The following PTPRO variants were observed in gnomAD, a reference collection of about 807,000 sequenced individuals.
PTPRO encodes the protein protein tyrosine phosphatase receptor type O, also known as receptor-type tyrosine-protein phosphatase O.
In PTPRO, 62 loss-of-function variants were observed where a neutral mutation model predicts 145.2. That is an observed-to-expected ratio of 0.43 (90% confidence interval 0.35 to 0.53). The LOEUF (loss-of-function observed/expected upper bound fraction) is 0.53. Among genes scored for constraint, PTPRO ranks in the 20% least tolerant of loss-of-function variants. PTPRO has a pLI of 0.01. For synonymous variants in PTPRO, 565 were observed against 514.7 expected (o/e 1.10, Z -1.32); for missense variants, 1,345 against 1,482.7 (o/e 0.91, Z 1.53).
At chr12:15,429,568 G>T (rs1940376731) in intron 1 of PTPRO, among the ~76,000 whole-genome samples, 2 of 152,288 alleles carry the variant, frequency 1.3e-5, no homozygotes, top group South Asian at 4.1e-4. Context: ...GAAACTGAAA[G>T]TTCTTTATGG....
At position 15,370,529 on chromosome 12, in the gene PTPRO, C is replaced by T. The variant is rs78731065; in HGVS notation, c.75+47728C>T. The stretch of plus-strand genomic sequence containing the variant: ...GTCTAAAGGCATAGAATTTTAATCT[C>T]CTGTATGTCAAATTTCATTATAAAT... On this transcript the variant is annotated intron_variant, in intron 1 of 26. Transcript: ENST00000281171. 3.4e-3 allele frequency among the ~76,000 whole-genome samples: 523 copies of T among 152,166 alleles called. 4 individuals are homozygous for T. Among genetic ancestry groups the T allele is most frequent in the African/African-American group, 0.012 (482 of 41,530 alleles).
At chr12:15,370,450 CTA>C (rs1938492793) in intron 1 of PTPRO, among the ~76,000 whole-genome samples, 2 of 152,086 alleles carry the variant, frequency 1.3e-5, no homozygotes, top group South Asian at 4.1e-4. Flanking sequence ...TTAAAAGGAA[CTA>C]TGTGTGAATA....
At chr12:15,350,570 G>A (rs1057366570) in intron 1 of PTPRO, among the ~76,000 whole-genome samples, 1 of 152,176 alleles carries the variant, frequency 6.6e-6, no homozygotes, top group African/African-American at 2.4e-5. Flanking sequence ...TGGAAAATGA[G>A]AGAAGTTTAG....
intron 1 of PTPRO, among the ~76,000 whole-genome samples, chr12:15,391,089 G>T (rs1939177433): frequency 2.0e-5 from 3 of 152,012 alleles, no homozygotes; most frequent in Admixed American, 1.3e-4. Context: ...CCTTCTAAAG[G>T]CCCCAGTTCC....
At chr12:15,338,838 A>T (rs1243098692) in intron 1 of PTPRO, among the ~76,000 whole-genome samples, 3 of 152,162 alleles carry the variant, frequency 2.0e-5, no homozygotes, top group Non-Finnish European at 4.4e-5. Context: ...TATTAATGTG[A>T]AGATGAATAC....
In PTPRO at chr12:15,504,386, G is replaced by A. The variant is rs116431279; in HGVS notation, c.1267+317G>A. On this transcript the variant is annotated intron_variant, in intron 6 of 26. Transcript: ENST00000281171. ...TGTGGACATACAGTTTGGGAAATACGACATTTGTTTGAGCCCATAACGAAA... is the reference window on the plus strand; with the variant it reads ...TGTGGACATACAGTTTGGGAAATACAACATTTGTTTGAGCCCATAACGAAA... Among the ~76,000 whole-genome samples the A allele has an allele frequency of 8.1e-3, 1,228 of 152,142 alleles. 15 individuals are homozygous for A. Among genetic ancestry groups the A allele is most frequent in the African/African-American group, 0.028 (1,181 of 41,500 alleles).
At chr12:15,513,158 AAAG>A (rs528918229) in intron 7 of PTPRO, among the ~76,000 whole-genome samples, 1 of 2,214 alleles carries the variant, frequency 4.5e-4, no homozygotes, top group Non-Finnish European at 1.5e-3. Context: ...AAAGAAAGAA[AAAG>A]AAAGAAAGAA....
chr12:15,378,946 G>C (rs534091550), intron 1 of PTPRO, among the ~76,000 whole-genome samples: 74 of 152,248 alleles, frequency 4.9e-4, no homozygotes, highest in African/African-American at 1.7e-3. Flanking sequence ...GCATTTGTCA[G>C]TGGAGAAATG....
chr12:15,583,445 C>T (rs2135654434), intron 23 of PTPRO, among the ~76,000 whole-genome samples: 1 of 151,730 alleles, frequency 6.6e-6, no homozygotes, highest in South Asian at 2.1e-4. Context: ...TGCCACTACA[C>T]TTCAGCCTGG....
intron 1 of PTPRO, among the ~76,000 whole-genome samples, chr12:15,454,475 T>A (rs372048346): frequency 5.3e-5 from 8 of 152,194 alleles, no homozygotes; most frequent in African/African-American, 1.7e-4. Context: ...TAACCCCTTA[T>A]GAGATACATG....
rs573698033 is a variant in PTPRO at position 15,517,521 on chromosome 12, G to A, written c.1779+565G>A. Reference sequence around the variant, plus strand: ...CCGAAAAGTCTTAACTAATTAACTCGAAAGTGCACAGTCAAAAGTTTCATC... The same window carrying A: ...CCGAAAAGTCTTAACTAATTAACTCAAAAGTGCACAGTCAAAAGTTTCATC... On this transcript the variant is annotated intron_variant, in intron 9 of 26. Transcript: ENST00000281171. Among the ~76,000 whole-genome samples the A allele has an allele frequency of 7.6e-4, 115 of 152,150 alleles. 1 individual carries two copies. The South Asian group carries it at 0.019, about 24-fold the overall frequency.
chr12:15,431,657 T>C (rs1940442981), intron 1 of PTPRO, among the ~76,000 whole-genome samples: 1 of 152,182 alleles, frequency 6.6e-6, no homozygotes, highest in African/African-American at 2.4e-5. Context: ...AAATTCATGA[T>C]TTTTCTATAC....
chr12:15,555,414 A>C (rs775306809), intron 15 of PTPRO, among the ~76,000 whole-genome samples: 4 of 152,220 alleles, frequency 2.6e-5, no homozygotes, highest in Non-Finnish European at 5.9e-5. Flanking sequence ...AGAGGCAGCC[A>C]GTGAAGTATA....
chr12:15,577,033 G>C, intron 19 of PTPRO, among the ~76,000 whole-genome samples: 1 of 152,242 alleles, frequency 6.6e-6, no homozygotes, highest in Non-Finnish European at 1.5e-5. Flanking sequence ...AAGAAAAATA[G>C]AGTCAACCTT....
intron 12 of PTPRO, among the ~76,000 whole-genome samples, chr12:15,530,489 C>T (rs1942938905): frequency 6.6e-6 from 1 of 152,102 alleles, no homozygotes; most frequent in Non-Finnish European, 1.5e-5. Flanking sequence ...CAAAACAGGT[C>T]TCAACAAATT....
At chr12:15,591,103 T>C (rs954974753) in intron 25 of PTPRO, among the ~76,000 whole-genome samples, 2 of 152,200 alleles carry the variant, frequency 1.3e-5, no homozygotes, top group South Asian at 2.1e-4. Context: ...GCGTAGTGGC[T>C]CACAGCTGTA....
intron 10 of PTPRO, among the ~76,000 whole-genome samples, chr12:15,520,981 T>C (rs193233445): frequency 2.3e-4 from 35 of 152,302 alleles, no homozygotes; most frequent in Middle Eastern, 3.4e-3. Context: ...TCTTAGATCC[T>C]CGGAAACCTT....
At chr12:15,395,340 G>A (rs772622982) in intron 1 of PTPRO, among the ~76,000 whole-genome samples, 2 of 152,118 alleles carry the variant, frequency 1.3e-5, no homozygotes, top group Non-Finnish European at 2.9e-5. Flanking sequence ...GCTTGAAGAG[G>A]AGGAAGAAAC....
chr12:15,473,452 TA>T (rs1197986366), intron 1 of PTPRO, among the ~76,000 whole-genome samples: 1 of 152,160 alleles, frequency 6.6e-6, no homozygotes, highest in Non-Finnish European at 1.5e-5. Context: ...GGAAGTTAGT[TA>T]AACAAATGTT....
Sources: allele counts gnomAD v4.1 joint callset (sites outside exome capture counted in the v4.1 genomes callset), GRCh38; gene constraint gnomAD v4.1.1; transcripts MANE v1.5; gene names NCBI Gene and HGNC (gene_info 2026-07-23, HGNC 2026-07-21).